The following MAP2K5 variants were observed in gnomAD, a reference collection of about 807,000 sequenced individuals.
The protein encoded by MAP2K5 is mitogen-activated protein kinase kinase 5.
Under a neutral mutation model 83.1 loss-of-function variants are expected in MAP2K5, and 49 were observed. The ratio of observed to expected loss-of-function variants is 0.59; its 90% CI spans 0.47 to 0.75. MAP2K5 has a LOEUF of 0.75. Ranked by LOEUF, MAP2K5 falls within the 30% of genes least tolerant of loss-of-function variation. MAP2K5 has a pLI of 0.00. For synonymous variants in MAP2K5, 202 were observed against 191.8 expected, an observed-to-expected ratio of 1.05 and a Z score of -0.44; for missense variants, 457 against 557.5, an observed-to-expected ratio of 0.82 and a Z score of 1.82.
At chr15:67,721,474 A>G (rs544367343) in intron 16 of MAP2K5, among the ~76,000 whole-genome samples, 1 of 152,322 alleles carries the variant, frequency 6.6e-6, no homozygotes, top group East Asian at 1.9e-4. Context: ...CTCTCAGACT[A>G]CTTGGCACTT....
chr15:67,568,870 G>T (rs1315038418), intron 3 of MAP2K5, among the ~76,000 whole-genome samples: 2 of 151,836 alleles, frequency 1.3e-5, no homozygotes, highest in Non-Finnish European at 2.9e-5. Flanking sequence ...GCCGGGCGTG[G>T]TGGCATGCGC....
chr15:67,759,277 G>A (rs2089902460), intron 19 of MAP2K5, among the ~76,000 whole-genome samples: 1 of 152,134 alleles, frequency 6.6e-6, no homozygotes. Context: ...AGCGGGGTTA[G>A]GCCAGGCACG....
chr15:67,784,639 A>G (rs368872390), intron 21 of MAP2K5, among the ~76,000 whole-genome samples: 1 of 152,214 alleles, frequency 6.6e-6, no homozygotes, highest in East Asian at 1.9e-4. Flanking sequence ...GTAATTACCA[A>G]CAGTTTGCAC....
At chr15:67,618,270 A>G (rs1247563778) in intron 8 of MAP2K5, among the ~76,000 whole-genome samples, 1 of 152,154 alleles carries the variant, frequency 6.6e-6, no homozygotes, top group African/African-American at 2.4e-5. Context: ...ATCAACTTTC[A>G]TGGCCTCAGG....
chr15:67,570,498 A>C (rs994974786), intron 3 of MAP2K5, among the ~76,000 whole-genome samples: 4 of 152,240 alleles, frequency 2.6e-5, no homozygotes, highest in African/African-American at 7.2e-5. Flanking sequence ...GCCTGAAGCC[A>C]GGTAAGTAAA....
chr15:67,712,207 T>G (rs905037258), intron 16 of MAP2K5, among the ~76,000 whole-genome samples: 1 of 152,214 alleles, frequency 6.6e-6, no homozygotes, highest in Non-Finnish European at 1.5e-5. Flanking sequence ...CACTCAAAGA[T>G]TACTTTTCAG....
rs906327177 is a variant in MAP2K5 at position 67,649,560 on chromosome 15, T to G, written c.736+3091T>G. Among the ~76,000 whole-genome samples, 4 of 152,314 alleles carry G rather than the reference T, an allele frequency of 2.6e-5. 1 individual carries two copies. Among genetic ancestry groups the G allele is most frequent in the African/African-American group, 9.6e-5 (4 of 41,566 alleles). On this transcript the variant is annotated intron_variant, in intron 11 of 21. Transcript: ENST00000178640. ...ATTCGTTTGCATGTAGATATACATT[T>G]GTTCCAGTACCGTTTGTTAAAGACT...
chr15:67,580,679 A>T, intron 3 of MAP2K5, 75 bp from the exon 4 acceptor site: 1 of 941,622 alleles, frequency 1.1e-6, no homozygotes, highest in South Asian at 1.3e-5. Context: ...AAGTACTGTG[A>T]ATTAAACAAC....
At chr15:67,705,497 G>A (rs1470402068) in intron 16 of MAP2K5, among the ~76,000 whole-genome samples, 1 of 152,208 alleles carries the variant, frequency 6.6e-6, no homozygotes, top group African/African-American at 2.4e-5. Flanking sequence ...CACTTTGGGA[G>A]GCTGAGGTGG....
rs2141178530 is a variant in MAP2K5 at position 67,677,884 on chromosome 15, G to A, written c.847+13239G>A. ...TATTGAAGAAGGAAAGGGCACGTTT[G>A]TTGCCTCCATTCTGAACCGAATCAT... is the stretch of plus-strand genomic sequence containing the variant. On this transcript the variant is annotated intron_variant, in intron 13 of 21. Coordinates refer to ENST00000178640, the MANE Select transcript of MAP2K5 (RefSeq NM_145160.3). The surrounding 1 kb of genome is among the most constrained non-coding windows in gnomAD (Gnocchi z 4.2). Among the ~76,000 whole-genome samples, 1 of 152,332 alleles carries A rather than the reference G, an allele frequency of 6.6e-6. No individual in the cohort carries two copies. The highest frequency in any genetic ancestry group is 6.5e-5 in the Admixed American group (1 of 15,308).
At chr15:67,628,802 G>A (rs1265428494) in intron 8 of MAP2K5, 2 of 751,300 alleles carry the variant, frequency 2.7e-6, no homozygotes, top group African/African-American at 1.7e-5. Context: ...TGTTTTTAGT[G>A]GGAATGACAA....
At chr15:67,705,542 C>G (rs2088529539) in intron 16 of MAP2K5, among the ~76,000 whole-genome samples, 1 of 152,114 alleles carries the variant, frequency 6.6e-6, no homozygotes. Flanking sequence ...CGAGACAAGC[C>G]TGACCAACAT....
At chr15:67,791,156 C>G (rs775327128) in intron 21 of MAP2K5, among the ~76,000 whole-genome samples, 13 of 152,174 alleles carry the variant, frequency 8.5e-5, no homozygotes, top group Non-Finnish European at 1.8e-4. Context: ...TTCATACTTT[C>G]CTGTGAATTG....
At chr15:67,695,018 C>T (rs1346966210) in intron 15 of MAP2K5, among the ~76,000 whole-genome samples, 1 of 150,810 alleles carries the variant, frequency 6.6e-6, no homozygotes, top group African/African-American at 2.4e-5. Context: ...AACAAAAAAC[C>T]AAACACCACA....
intron 8 of MAP2K5, among the ~76,000 whole-genome samples, chr15:67,605,873 C>A (rs201920307): frequency 6.6e-6 from 1 of 152,056 alleles, no homozygotes; most frequent in Non-Finnish European, 1.5e-5. Context: ...AGCTACTTTG[C>A]GAGGCTGTAC....
chr15:67,589,003 T>A (rs935358739), intron 6 of MAP2K5, among the ~76,000 whole-genome samples: 2 of 151,882 alleles, frequency 1.3e-5, no homozygotes, highest in South Asian at 2.1e-4. Context: ...TTTATTTTTT[T>A]AAATTTTTTT....
At chr15:67,628,934 T>A in intron 8 of MAP2K5, 1 of 757,756 alleles carries the variant, frequency 1.3e-6, no homozygotes, top group South Asian at 1.3e-5. Flanking sequence ...GAAGCAATTT[T>A]GGAGGTGGTG....
At chr15:67,554,282 CTCCTGGGCTCAAGCAA>C (rs1400036723) in intron 2 of MAP2K5, among the ~76,000 whole-genome samples, 1 of 152,146 alleles carries the variant, frequency 6.6e-6, no homozygotes, top group Non-Finnish European at 1.5e-5. Context: ...TGGTCTTGAA[CTCCTGGGCTCAAGCAA>C]TCCATGCTCC....
intron 1 of MAP2K5, among the ~76,000 whole-genome samples, chr15:67,544,086 G>C (rs1190382892): frequency 6.6e-6 from 1 of 152,222 alleles, no homozygotes; most frequent in African/African-American, 2.4e-5. Context: ...ATCTTGTAGA[G>C]ACGAGGTATT....
Sources: gnomAD v4.1 joint callset for allele counts (sites outside exome capture counted in the v4.1 genomes callset) on GRCh38, gnomAD v4.1.1 for gene constraint, Gnocchi (gnomAD v3.1) non-coding constraint, MANE v1.5 for transcripts, NCBI Gene and HGNC (gene_info 2026-07-23, HGNC 2026-07-21) for gene names.